Variants in FBXL13 observed in about 807,000 individuals in gnomAD.
FBXL13 encodes the protein F-box and leucine rich repeat protein 13.
A neutral mutation model predicts 83.6 loss-of-function variants in FBXL13; 67 were observed. That is an observed-to-expected ratio of 0.80 (90% CI 0.66 to 0.98). The LOEUF is 0.98. FBXL13 is among the 50% of genes least tolerant of loss of function. FBXL13 has a pLI of 0.00. For missense variants in FBXL13, 822 were observed against 866.5 expected, an observed-to-expected ratio of 0.95 and a Z score of 0.64; for synonymous variants, 272 against 299.5, an observed-to-expected ratio of 0.91 and a Z score of 0.95.
rs193131824 is a variant in FBXL13, at chr7:102,971,526, G to A, written c.496-3409C>T. On this transcript the variant is annotated intron_variant, in intron 6 of 19. Transcript: ENST00000313221. ...GCAGGAGAATCGCTTGAACCCGGGC[G>A]GAGGTGGCGGTGAGCCAAGATTGTG... 5.6e-3 allele frequency among the ~76,000 whole-genome samples: 848 copies of A among 151,666 alleles called. 8 individuals are homozygous for A. Among genetic ancestry groups the A allele is most frequent in the Non-Finnish European group, 7.5e-3 (509 of 67,922 alleles).
chr7:103,055,015 T>C (rs765964701), intron 2 of FBXL13, 73 bp downstream of exon 3: 393 of 982,120 alleles, frequency 4.0e-4, no homozygotes, highest in Non-Finnish European at 5.2e-4. Flanking sequence ...CTCCCATAAA[T>C]ATAAAATCTA....
In FBXL13 at chr7:102,976,757, G is replaced by A. The variant is rs185460322; in HGVS notation, c.496-8640C>T. On this transcript the variant is annotated intron_variant, in intron 6 of 19. Transcript: ENST00000313221. ...AACGCCTATCATTTCTCACCTCCTC[G>A]CCAGTCACCTACTCCGCCCAACATA... Among the ~76,000 whole-genome samples, 691 of 151,978 alleles carry A rather than the reference G, an allele frequency of 4.5e-3. 3 individuals carry two copies. Among genetic ancestry groups the A allele is most frequent in the Non-Finnish European group, 6.3e-3 (429 of 67,964 alleles).
At chr7:103,030,690 T>C (rs1794419583) in intron 2 of FBXL13, among the ~76,000 whole-genome samples, 1 of 152,332 alleles carries the variant, frequency 6.6e-6, no homozygotes, top group African/African-American at 2.4e-5. Context: ...CAAAACATTA[T>C]AGTAATAATG....
intron 8 of FBXL13, among the ~76,000 whole-genome samples, chr7:102,961,613 G>C (rs905690286): frequency 6.6e-6 from 1 of 151,702 alleles, no homozygotes; most frequent in African/African-American, 2.4e-5. Context: ...AAACAAAACA[G>C]CATGGTACTG....
chr7:103,067,792 T>C (rs980182750), intron 1 of FBXL13, among the ~76,000 whole-genome samples: 2 of 152,228 alleles, frequency 1.3e-5, no homozygotes, highest in African/African-American at 4.8e-5. Context: ...AATAATAAAA[T>C]GAATACTGTT....
chr7:102,909,277 G>C (rs1368872378), intron 11 of FBXL13, among the ~76,000 whole-genome samples: 1 of 151,984 alleles, frequency 6.6e-6, no homozygotes, highest in Non-Finnish European at 1.5e-5. Context: ...CCTCACCTGG[G>C]ACTCATCCTT....
rs372757978 is a variant in FBXL13, at chr7:103,022,482, A to G, written c.495+2581T>C. Among the ~76,000 whole-genome samples the G allele has an allele frequency of 1.8e-4, 28 of 152,314 alleles. No individual in the cohort carries two copies. In the South Asian group the frequency reaches 5.4e-3, roughly 29 times the overall value. ...TACCCTAGAACTTAAAGTATAAAAA[A>G]AAAAACCAGAAATATAGACTAATGG... On this transcript the variant is annotated intron_variant, in intron 6 of 19. Transcript: ENST00000313221.
At chr7:103,030,877 T>C (rs1470188827) in intron 2 of FBXL13, among the ~76,000 whole-genome samples, 2 of 152,194 alleles carry the variant, frequency 1.3e-5, no homozygotes, top group African/African-American at 2.4e-5. Context: ...TGTTCTAATA[T>C]TCATTTTTTA....
At chr7:103,043,191 AT>A in intron 2 of FBXL13, among the ~76,000 whole-genome samples, 1 of 152,356 alleles carries the variant, frequency 6.6e-6, no homozygotes, top group South Asian at 2.1e-4. Flanking sequence ...AAAAGAAGAC[AT>A]TTATGCAGCC....
rs1295712057 is a variant in FBXL13 at position 102,883,336 on chromosome 7, G to A, written c.1357C>T (p.Leu453=). The A allele has an allele frequency of 3.1e-6, 5 of 1,612,748 alleles. No individual in the cohort carries two copies. In the East Asian group the frequency reaches 8.9e-5, roughly 29 times the overall value. ...CAATTTGCCAAATTCAACACAGTCA[G>A]TTGCTTCAAAGGTGAAAGGGATCTG... The change falls in exon 14 of 20, where the codon CTG becomes TTG. Residue 453 remains leucine (L), a synonymous_variant. Transcript: ENST00000313221.
At chr7:102,981,901 T>C (rs1828277664) in intron 6 of FBXL13, among the ~76,000 whole-genome samples, 2 of 152,148 alleles carry the variant, frequency 1.3e-5, no homozygotes, top group African/African-American at 4.8e-5. Context: ...CCAAATTCCA[T>C]TAAAAGCCAA....
intron 11 of FBXL13, among the ~76,000 whole-genome samples, chr7:102,898,902 T>C (rs1276953045): frequency 6.6e-6 from 1 of 152,014 alleles, no homozygotes; most frequent in Non-Finnish European, 1.5e-5. Flanking sequence ...TTTTATTTAT[T>C]TAATTTAATT....
chr7:102,828,250 T>C (rs1285527414), intron 18 of FBXL13, among the ~76,000 whole-genome samples: 1 of 152,210 alleles, frequency 6.6e-6, no homozygotes, highest in Non-Finnish European at 1.5e-5. Context: ...GTATCCTCTT[T>C]TATTTCATTG....
downstream of FBXL13, among the ~76,000 whole-genome samples, chr7:102,812,598 A>T (rs1011831068): frequency 6.6e-6 from 1 of 152,174 alleles, no homozygotes; most frequent in African/African-American, 2.4e-5. Context: ...TGTATTCTTT[A>T]TAAAGCCTTA....
intron 16 of FBXL13, among the ~76,000 whole-genome samples, chr7:102,876,171 C>G: frequency 6.6e-6 from 1 of 152,112 alleles, no homozygotes; most frequent in Non-Finnish European, 1.5e-5. Flanking sequence ...CAGGAAGACC[C>G]AGAGGAGCCC....
At chr7:102,936,550 T>G (rs527253698) in intron 8 of FBXL13, among the ~76,000 whole-genome samples, 3 of 152,350 alleles carry the variant, frequency 2.0e-5, no homozygotes, top group Middle Eastern at 3.4e-3. Flanking sequence ...TAGTGCTTCA[T>G]GCTGAAGAGC....
At chr7:102,834,092 A>AGGAAGGAAGGAAGGAAGGAAGGAAG (rs1562925949) in intron 17 of FBXL13, among the ~76,000 whole-genome samples, 1 of 85,952 alleles carries the variant, frequency 1.2e-5, no homozygotes, top group Non-Finnish European at 2.3e-5. Flanking sequence ...AAAGAAAAGA[A>AGGAAGGAAGGAAGGAAGGAAGGAAG]AGAAAGAAAG....
chr7:102,837,716 T>A (rs1802243599), intron 17 of FBXL13, among the ~76,000 whole-genome samples: 1 of 152,286 alleles, frequency 6.6e-6, no homozygotes, highest in Admixed American at 6.5e-5. Context: ...GCTCATTTTT[T>A]AATTTTTATA....
intron 14 of FBXL13, 28 bp downstream of exon 15, chr7:102,883,277 T>C (rs367868283): frequency 2.5e-6 from 4 of 1,587,732 alleles, no homozygotes. Flanking sequence ...TCAACGTTTC[T>C]TGAATATATT....
Sources: allele counts gnomAD v4.1 joint callset (sites outside exome capture counted in the v4.1 genomes callset), GRCh38; gene constraint gnomAD v4.1.1; transcripts MANE v1.5; gene names NCBI Gene and HGNC (gene_info 2026-07-23, HGNC 2026-07-21).